DMRT1: variants seen among roughly 807,000 people sequenced by gnomAD.
DMRT1 encodes doublesex- and mab-3-related transcription factor 1.
Under a neutral mutation model 32.3 loss-of-function variants are expected in DMRT1, and 7 were observed. The observed-to-expected ratio is 0.22, with a 90% CI of 0.12 to 0.41. DMRT1 has a LOEUF of 0.41. DMRT1 is among the 10% of genes least tolerant of loss of function. The pLI, the probability that DMRT1 is intolerant of heterozygous loss-of-function variation, is 1.00. For synonymous variants in DMRT1, 278 were observed against 206.1 expected, an observed-to-expected ratio of 1.35 and a Z score of -2.99; for missense variants, 625 against 500.5, an observed-to-expected ratio of 1.25 and a Z score of -2.37.
chr9:946,621 A>G (rs1041332110), intron 4 of DMRT1, among the ~76,000 whole-genome samples: 15 of 152,350 alleles, frequency 9.8e-5, no homozygotes, highest in African/African-American at 3.6e-4. Flanking sequence ...TTGTACAAAC[A>G]GAGGTTCCGG....
chr9:871,436 C>T (rs1489316289), intron 2 of DMRT1, among the ~76,000 whole-genome samples: 1 of 151,320 alleles, frequency 6.6e-6, no homozygotes, highest in African/African-American at 2.4e-5. Context: ...GGGTTCACGC[C>T]ATTCTCCTGC....
At chr9:848,569 T>G (rs1270263875) in intron 2 of DMRT1, among the ~76,000 whole-genome samples, 1 of 148,020 alleles carries the variant, frequency 6.8e-6, no homozygotes, top group Non-Finnish European at 1.5e-5. Context: ...TTTTTTTTTT[T>G]TTGAGATGGA....
At chr9:848,922 A>G (rs1349850857) in intron 2 of DMRT1, among the ~76,000 whole-genome samples, 2 of 24,144 alleles carry the variant, frequency 8.3e-5, no homozygotes, top group African/African-American at 2.1e-4. Flanking sequence ...TAAGATTTTA[A>G]GATGTGTCAA....
chr9:938,151 G>A (rs1027985321), intron 4 of DMRT1, among the ~76,000 whole-genome samples: 17 of 152,150 alleles, frequency 1.1e-4, no homozygotes, highest in East Asian at 3.9e-4. Flanking sequence ...TCAGTTGACC[G>A]TATATTTGAG....
chr9:912,105 G>T (rs768753279), intron 3 of DMRT1, among the ~76,000 whole-genome samples: 1 of 152,220 alleles, frequency 6.6e-6, no homozygotes, highest in Non-Finnish European at 1.5e-5. Flanking sequence ...GAAGAAGCAG[G>T]CACCTTCTCT....
rs145480611 is a variant in DMRT1 at position 931,015 on chromosome 9, A to G, written c.967+14108A>G. 1.4e-3 allele frequency among the ~76,000 whole-genome samples: 213 copies of G among 152,086 alleles called. 1 individual carries two copies. The highest frequency in any genetic ancestry group is 5.0e-3 in the African/African-American group (206 of 41,504). The stretch of plus-strand genomic sequence containing the variant: ...CCAAAACAATCCCCATATTACTCCC[A>G]TTTCTGCCTCCCTCCCAGCCCCTGC... On this transcript the variant is annotated intron_variant, in intron 4 of 4. Transcript: ENST00000382276.
intron 1 of DMRT1, 102 bp downstream of exon 1, chr9:842,294 G>T: frequency 7.0e-7 from 1 of 1,423,418 alleles, no homozygotes. Context: ...CAGTGTAGTG[G>T]CGCGATCTTG....
chr9:875,520 G>C (rs1365779788), intron 2 of DMRT1, among the ~76,000 whole-genome samples: 1 of 152,170 alleles, frequency 6.6e-6, no homozygotes, highest in Non-Finnish European at 1.5e-5. Context: ...AAGCATGTTA[G>C]GTTTCTGGTG....
At chr9:954,226 A>C (rs1475359657) in intron 4 of DMRT1, among the ~76,000 whole-genome samples, 1 of 152,084 alleles carries the variant, frequency 6.6e-6, no homozygotes, top group Non-Finnish European at 1.5e-5. Flanking sequence ...TGCAGAAACC[A>C]CCAAAGGTGT....
rs546580526 is a variant in DMRT1 at position 864,360 on chromosome 9, C to A, written c.538+17217C>A. The stretch of plus-strand genomic sequence containing the variant: ...CTGGGATTAAAGGTGTCTGCCACCA[C>A]GTTTGGCTAATTTTCATATTTTTAG... On this transcript the variant is annotated intron_variant, in intron 2 of 4. Transcript: ENST00000382276. 9.6e-4 allele frequency among the ~76,000 whole-genome samples: 145 copies of A among 151,678 alleles called. 2 individuals are homozygous for A. In the South Asian group the frequency reaches 0.017, roughly 17 times the overall value.
At chr9:880,456 G>A (rs1456397875) in intron 2 of DMRT1, among the ~76,000 whole-genome samples, 3 of 152,148 alleles carry the variant, frequency 2.0e-5, no homozygotes, top group Non-Finnish European at 4.4e-5. Flanking sequence ...GCTGGGCGTG[G>A]TGGCTTACAC....
intron 3 of DMRT1, among the ~76,000 whole-genome samples, chr9:901,380 G>A (rs917277347): frequency 3.9e-5 from 6 of 152,048 alleles, no homozygotes; most frequent in Non-Finnish European, 5.9e-5. Flanking sequence ...AGGCTAGAGT[G>A]CAGTGGCGCG....
chr9:902,942 G>T (rs1343509404), intron 3 of DMRT1, among the ~76,000 whole-genome samples: 1 of 152,134 alleles, frequency 6.6e-6, no homozygotes, highest in Non-Finnish European at 1.5e-5. Context: ...AAGTTTTGGA[G>T]ACTCTTCTGT....
intron 3 of DMRT1, among the ~76,000 whole-genome samples, chr9:916,220 C>T (rs1322984): frequency 0.2 from 29,743 of 152,088 alleles, 3,937 homozygotes; most frequent in African/African-American, 0.37. Context: ...ACTGGTTAAT[C>T]GAGCACCAAA....
At chr9:879,807 C>T (rs4742526) in intron 2 of DMRT1, among the ~76,000 whole-genome samples, 37,125 of 152,006 alleles carry the variant, frequency 0.24, 4,809 homozygotes, top group East Asian at 0.45. Flanking sequence ...CTCTTTCATC[C>T]GTGTATGACT....
intron 2 of DMRT1, among the ~76,000 whole-genome samples, chr9:884,609 G>A (rs942593978): frequency 1.3e-5 from 2 of 152,166 alleles, no homozygotes; most frequent in African/African-American, 4.8e-5. Flanking sequence ...TTTTCTGAGT[G>A]GTTGGATCCA....
In DMRT1 at chr9:842,009, C is replaced by T. The variant is rs1404259783; in HGVS notation, c.171C>T (p.Gly57=). 10 of 1,554,708 alleles carry T rather than the reference C, an allele frequency of 6.4e-6. No individual in the cohort carries two copies. The highest frequency in any genetic ancestry group is 1.9e-5 in the Admixed American group (1 of 51,904). ...AGGSSRGGGS[G]SGASDLGAGS... ...GCAGCAGCAGAGGAGGCGGCTCCGG[C>T]TCCGGGGCGTCGGACCTGGGTGCCG... The change falls in exon 1 of 5, where the codon GGC becomes GGT. Residue 57 remains glycine, a synonymous_variant. Transcript: ENST00000382276.
chr9:925,147 G>T (rs976044753), intron 4 of DMRT1, among the ~76,000 whole-genome samples: 2 of 152,084 alleles, frequency 1.3e-5, no homozygotes, highest in African/African-American at 4.8e-5. Context: ...CCACACGGAG[G>T]GTCAGCTTCG....
At position 911,470 on chromosome 9, in the gene DMRT1, A is replaced by T. The variant is rs1182679411; in HGVS notation, c.823-5293A>T. 7.5e-5 allele frequency among the ~76,000 whole-genome samples: 5 copies of T among 66,948 alleles called. No individual in the cohort carries two copies. The South Asian group carries it at 1.4e-3, about 18-fold the overall frequency. The allele number at this position is 66,948 out of a possible 152,430, so 43.9% of individuals were successfully genotyped here. ...CCATGCCTTTTTCTGGGTTAATTGCATTTTTTTTTTTTTTTTTTTTTTTTT... is the reference window on the plus strand; with the variant it reads ...CCATGCCTTTTTCTGGGTTAATTGCTTTTTTTTTTTTTTTTTTTTTTTTTT... On this transcript the variant is annotated intron_variant, in intron 3 of 4. Transcript: ENST00000382276.
Sources: gnomAD v4.1 joint callset for allele counts (sites outside exome capture counted in the v4.1 genomes callset) on GRCh38, gnomAD v4.1.1 for gene constraint, MANE v1.5 for transcripts, NCBI Gene and HGNC (gene_info 2026-07-23, HGNC 2026-07-21) for gene names.